Variants in PTCSC3 observed in about 807,000 individuals in gnomAD.
PTCSC3 encodes papillary thyroid carcinoma susceptibility candidate 3, also known as papillary thyroid carcinoma susceptibility candidate 3 (non-protein coding).
In PTCSC3 at chr14:36,163,757, C is replaced by T. The variant is rs930051526; in HGVS notation, n.172-1074G>A. Among the ~76,000 whole-genome samples, 19 of 152,152 alleles carry T rather than the reference C, an allele frequency of 1.2e-4. 1 individual carries two copies. Among genetic ancestry groups the T allele is most frequent in the African/African-American group, 4.3e-4 (18 of 41,434 alleles). On this transcript the variant is annotated intron_variant and non_coding_transcript_variant, in intron 1 of 3. Coordinates refer to ENST00000556013, the Ensembl canonical transcript of PTCSC3. Reference sequence around the variant, plus strand: ...CTTTTTAAAATAGAACGGCACGAATCCTCCTTTGTCAAGCTCATTAACAGA... The same window carrying T: ...CTTTTTAAAATAGAACGGCACGAATTCTCCTTTGTCAAGCTCATTAACAGA...
At chr14:36,142,814 C>T (rs893407563) in intron 3 of PTCSC3, among the ~76,000 whole-genome samples, 1 of 123,448 alleles carries the variant, frequency 8.1e-6, no homozygotes, top group African/African-American at 3.1e-5. Context: ...CCCCTCCCCC[C>T]ACCCCACAAC....
intron 3 of PTCSC3, among the ~76,000 whole-genome samples, chr14:36,148,264 C>G (rs984482959): frequency 4.6e-5 from 7 of 152,274 alleles, no homozygotes; most frequent in East Asian, 1.9e-4. Context: ...CCCCCAGCCT[C>G]GCTGCCGCCT....
intron 2 of PTCSC3, among the ~76,000 whole-genome samples, chr14:36,154,215 G>T (rs904149109): frequency 6.6e-6 from 1 of 152,172 alleles, no homozygotes; most frequent in Non-Finnish European, 1.5e-5. Context: ...AGGAGATAAC[G>T]AGTGGGAGGG....
At chr14:36,161,558 G>A (rs1465456781) in intron 2 of PTCSC3, among the ~76,000 whole-genome samples, 1 of 152,214 alleles carries the variant, frequency 6.6e-6, no homozygotes, top group Admixed American at 6.5e-5. Flanking sequence ...AGAGGCTACA[G>A]AACAGTAAAG....
chr14:36,176,535 T>C (rs2139117103), upstream of PTCSC3: 1 of 152,190 alleles, frequency 6.6e-6, no homozygotes, highest in East Asian at 1.9e-4. Flanking sequence ...CCCCTGGATA[T>C]TTTTTCTGGG....
At chr14:36,142,177 T>A (rs922487853) in intron 3 of PTCSC3, among the ~76,000 whole-genome samples, 1 of 152,212 alleles carries the variant, frequency 6.6e-6, no homozygotes, top group Non-Finnish European at 1.5e-5. Flanking sequence ...ATATTCCTTA[T>A]CAAGCTGAAA....
intron 2 of PTCSC3, among the ~76,000 whole-genome samples, chr14:36,159,668 T>A (rs2139104945): frequency 6.6e-6 from 1 of 152,350 alleles, no homozygotes; most frequent in Non-Finnish European, 1.5e-5. Flanking sequence ...TCTAATTATG[T>A]GGTCACTTTT....
intron 1 of PTCSC3, among the ~76,000 whole-genome samples, chr14:36,170,532 T>C (rs1176106655): frequency 6.6e-6 from 1 of 152,154 alleles, no homozygotes. Flanking sequence ...AAAATTAATA[T>C]TTTTAGTATT....
At chr14:36,164,970 T>G (rs1882055886) in intron 1 of PTCSC3, 1 of 152,200 alleles carries the variant, frequency 6.6e-6, no homozygotes, top group African/African-American at 2.4e-5. Flanking sequence ...GTGTCATATC[T>G]TTGACCAAAA....
In PTCSC3 at chr14:36,152,930, A is replaced by AAAAAGG. The variant is rs1245127991; in HGVS notation, n.322+873_322+874insCCTTTT. 2.0e-5 allele frequency among the ~76,000 whole-genome samples: 3 copies of AAAAAGG among 152,152 alleles called. No individual in the cohort carries two copies. In the East Asian group the frequency reaches 5.8e-4, roughly 29 times the overall value. ...AAAAAAGAAAGAAAGAAAGAAAAAG[A>AAAAAGG]AAAAAGACAACCCAAGTTTTTAGCA... On this transcript the variant is annotated intron_variant and non_coding_transcript_variant, in intron 3 of 3. Coordinates refer to ENST00000556013, the Ensembl canonical transcript of PTCSC3.
chr14:36,156,184 T>C (rs1881821618), intron 2 of PTCSC3, among the ~76,000 whole-genome samples: 1 of 152,244 alleles, frequency 6.6e-6, no homozygotes, highest in Admixed American at 6.5e-5. Context: ...TGGTGAGCAT[T>C]GCAGACTGAG....
chr14:36,159,613 T>G (rs1347062833), intron 2 of PTCSC3, among the ~76,000 whole-genome samples: 1 of 152,180 alleles, frequency 6.6e-6, no homozygotes, highest in African/African-American at 2.4e-5. Context: ...AGATATTGTT[T>G]GTTATGATTT....
chr14:36,140,933 T>G (rs748155461), intron 3 of PTCSC3, among the ~76,000 whole-genome samples: 1 of 152,166 alleles, frequency 6.6e-6, no homozygotes, highest in Non-Finnish European at 1.5e-5. Flanking sequence ...TGTCTCGACT[T>G]TTTTGAGGGG....
chr14:36,169,955 CA>C (rs1448202880), intron 1 of PTCSC3, among the ~76,000 whole-genome samples: 2 of 151,994 alleles, frequency 1.3e-5, no homozygotes, highest in Non-Finnish European at 2.9e-5. Context: ...TAGAGACATG[CA>C]AAAAATCTAG....
intron 3 of PTCSC3, among the ~76,000 whole-genome samples, chr14:36,143,308 C>T (rs1418251685): frequency 7.7e-6 from 1 of 129,476 alleles, no homozygotes; most frequent in African/African-American, 2.9e-5. Context: ...TCCACATCCT[C>T]TCCAGCACCT....
intron 2 of PTCSC3, among the ~76,000 whole-genome samples, chr14:36,156,722 G>C (rs1881836029): frequency 6.6e-6 from 1 of 152,052 alleles, no homozygotes; most frequent in South Asian, 2.1e-4. Context: ...CTTCATCCAT[G>C]TCCCTGCAAA....
intron 3 of PTCSC3, among the ~76,000 whole-genome samples, chr14:36,152,101 G>A (rs917064631): frequency 6.6e-5 from 10 of 151,472 alleles, no homozygotes; most frequent in African/African-American, 1.9e-4. Context: ...ATGTCAGAGT[G>A]GAAATCATAA....
At chr14:36,169,833 A>G (rs985329494) in intron 1 of PTCSC3, among the ~76,000 whole-genome samples, 3 of 152,176 alleles carry the variant, frequency 2.0e-5, no homozygotes, top group African/African-American at 7.2e-5. Context: ...TGGTCCAGGC[A>G]CTATGCAAGG....
At chr14:36,147,412 T>A (rs968450582) in intron 3 of PTCSC3, among the ~76,000 whole-genome samples, 22 of 152,194 alleles carry the variant, frequency 1.4e-4, no homozygotes, top group Non-Finnish European at 2.9e-4. Context: ...TTTCATTCAT[T>A]TCATCTTCCA....
Sources: gnomAD v4.1 joint callset for allele counts (sites outside exome capture counted in the v4.1 genomes callset) on GRCh38, gnomAD v4.1.1 for gene constraint, MANE v1.5 for transcripts, NCBI Gene and HGNC (gene_info 2026-07-23, HGNC 2026-07-21) for gene names.